The following NCAN variants were observed in gnomAD, a reference collection of about 807,000 sequenced individuals.
NCAN encodes the protein neurocan core protein.
NCAN carries 47 observed loss-of-function variants against 121.8 expected under a neutral mutation model. The observed-to-expected ratio is 0.39, with a 90% CI of 0.31 to 0.49. NCAN has a LOEUF of 0.49. Ranked by LOEUF, NCAN falls within the 20% of genes least tolerant of loss-of-function variation. The pLI is 0.92. For missense variants in NCAN, 1,517 were observed against 1,773.4 expected (o/e 0.86, Z 2.60); for synonymous variants, 633 against 702.0 (o/e 0.90, Z 1.55).
At chr19:19,245,580 C>G in intron 13 of NCAN, 123 bp downstream of exon 13, 5 of 1,143,282 alleles carry the variant, frequency 4.4e-6, no homozygotes, top group Non-Finnish European at 6.1e-6. Context: ...TGGGTTCAAG[C>G]CATCCTCCTG....
chr19:19,242,207 A>G (rs1329549799), intron 12 of NCAN, among the ~76,000 whole-genome samples: 5 of 151,860 alleles, frequency 3.3e-5, no homozygotes, highest in Admixed American at 1.3e-4. Flanking sequence ...AAACAACACA[A>G]ACAAACAAAA....
In NCAN at chr19:19,222,294, GTTT is replaced by G. The variant is rs571842915; in HGVS notation, c.476-1726_476-1724del. Among the ~76,000 whole-genome samples the G allele has an allele frequency of 8.5e-5, 13 of 152,204 alleles. No homozygotes were observed. In the South Asian group the frequency reaches 2.5e-3, roughly 29 times the overall value. ...ATTCAGCCAAACTCTTTTTGTTGTT[GTTT>G]GAGACAGAGTCTCACTCTGTCACCC... On this transcript the variant is annotated intron_variant, in intron 3 of 14. Transcript: ENST00000252575.
chr19:19,238,352 G>A lies in NCAN; in HGVS notation c.3350G>A (p.Arg1117His), dbSNP rs1198462359. The A allele has an allele frequency of 9.9e-6, 16 of 1,613,942 alleles. No individual in the cohort carries two copies. The highest frequency in any genetic ancestry group is 2.7e-5 in the African/African-American group (2 of 74,922). ...RAWEDAEKDC[R>H]RRSGHLTSVH... is the part of the protein sequence containing the mutation. Reference sequence around the variant, plus strand: ...TGGGAAGATGCCGAGAAGGACTGCCGCCGCCGCTCCGGCCACCTGACCAGC... The same window carrying A: ...TGGGAAGATGCCGAGAAGGACTGCCACCGCCGCTCCGGCCACCTGACCAGC... Residue 1117 changes from arginine (R) to histidine (H), a missense_variant, in exon 11 of 15, where the codon CGC becomes CAC. Arg to His is a conservative substitution (Grantham distance 29). Transcript: ENST00000252575.
At chr19:19,249,045 T>TTGTGTGTG (rs112544518) in intron 14 of NCAN, 163 bp downstream of exon 14, 27 of 549,286 alleles carry the variant, frequency 4.9e-5, no homozygotes, top group African/African-American at 7.8e-5. Flanking sequence ...TTTCCTTCAT[T>TTGTGTGTG]TGTGTGTGTG....
intron 13 of NCAN, among the ~76,000 whole-genome samples, chr19:19,247,277 G>A (rs112219496): frequency 0.23 from 35,218 of 151,326 alleles, 5,408 homozygotes; most frequent in African/African-American, 0.44. Context: ...ATTTTGAGAC[G>A]GCGTCTTGCT....
chr19:19,214,769 A>T (rs939056397), intron 1 of NCAN, among the ~76,000 whole-genome samples: 15 of 151,446 alleles, frequency 9.9e-5, no homozygotes, highest in African/African-American at 3.4e-4. Context: ...TGTGTGAGAG[A>T]GAGAGAGAAA....
chr19:19,248,587 T>C, intron 13 of NCAN, 113 bp from the exon 14 acceptor site: 1 of 1,076,660 alleles, frequency 9.3e-7, no homozygotes, highest in Middle Eastern at 3.2e-4. Context: ...AGCGCGCCAC[T>C]GCACTCCAGT....
intron 13 of NCAN, among the ~76,000 whole-genome samples, chr19:19,247,602 G>A (rs1249644072): frequency 6.6e-6 from 1 of 151,850 alleles, no homozygotes; most frequent in Non-Finnish European, 1.5e-5. Flanking sequence ...TGTTGCCCAG[G>A]CTGGTCTCAA....
Position 19,250,493 on chromosome 19 carries a change from G to T in NCAN, c.*582G>T. On this transcript the variant is annotated 3_prime_UTR_variant, in exon 15 of 15. Coordinates refer to ENST00000252575, the MANE Select transcript of NCAN (RefSeq NM_004386.3). ...TAAACACACAGTGTGGAGATCCCAC[G>T]TACTGCATTTTAGGGATGTTTTTAG... 3.6e-6 allele frequency: 1 copy of T among 274,056 alleles called. No homozygotes were observed. Among genetic ancestry groups the T allele is most frequent in the Non-Finnish European group, 7.1e-6 (1 of 140,590 alleles). The allele number at this position is 274,056 out of a possible 1,614,324, so 17.0% of individuals were successfully genotyped here.
chr19:19,234,922 G>A (rs886425910), intron 9 of NCAN, 61 bp from the exon 10 acceptor site: 2 of 1,083,066 alleles, frequency 1.8e-6, no homozygotes, highest in East Asian at 2.4e-5. Context: ...TTAGTTTCCT[G>A]TGGGGGCTCA....
chr19:19,233,467 G>A (rs1198031949), intron 8 of NCAN, among the ~76,000 whole-genome samples: 1 of 152,122 alleles, frequency 6.6e-6, no homozygotes, highest in Non-Finnish European at 1.5e-5. Flanking sequence ...GGACACTGAA[G>A]CCCATGTTCT....
chr19:19,234,860 C>G (rs1568600008), intron 9 of NCAN, 123 bp from the exon 10 acceptor site: 3 of 545,686 alleles, frequency 5.5e-6, no homozygotes, highest in East Asian at 5.7e-5. Context: ...CAAACTGTGA[C>G]TGCTGCACTT....
At position 19,227,434 on chromosome 19, in the gene NCAN, C is replaced by T. The variant is rs977618896; in HGVS notation, c.1814C>T (p.Ser605Phe). The T allele has an allele frequency of 2.5e-6, 4 of 1,613,666 alleles. 1 individual carries two copies. The South Asian group carries it at 4.4e-5, about 18-fold the overall frequency. The change falls in exon 8 of 15, where the codon TCC becomes TTC. Residue 605 changes from serine (S) to phenylalanine (F), a missense_variant. Coordinates refer to ENST00000252575, the MANE Select transcript of NCAN (RefSeq NM_004386.3). This position sits in a 1 kb window ranked among gnomAD's most constrained non-coding sequence, Gnocchi z 4.2. ...CCAGCCACCCCAGACCTGTTTTGGTCCCCCTTGGAGGCCACTGTCTCAGCT... is the reference window on the plus strand; with the variant it reads ...CCAGCCACCCCAGACCTGTTTTGGTTCCCCTTGGAGGCCACTGTCTCAGCT... ...ARPATPDLFW[S>F]PLEATVSAPS...
chr19:19,249,620 GC>G, intron 14 of NCAN, 145 bp from the exon 15 acceptor site: 1 of 1,224,674 alleles, frequency 8.2e-7, no homozygotes, highest in Admixed American at 2.4e-5. Context: ...TCCCACTTTG[GC>G]CTCCCAAAGT....
At chr19:19,242,303 C>T (rs1720746) in intron 12 of NCAN, among the ~76,000 whole-genome samples, 14 of 151,976 alleles carry the variant, frequency 9.2e-5, no homozygotes, top group East Asian at 5.8e-4. Flanking sequence ...GTAGGAGGAT[C>T]GCTGGAGCCC....
At chr19:19,214,767 A>T (rs1285867543) in intron 1 of NCAN, among the ~76,000 whole-genome samples, 2 of 151,010 alleles carry the variant, frequency 1.3e-5, no homozygotes, top group African/African-American at 4.9e-5. Flanking sequence ...TGTGTGTGAG[A>T]GAGAGAGAGA....
intron 8 of NCAN, among the ~76,000 whole-genome samples, chr19:19,229,374 C>T (rs1178475698): frequency 6.6e-6 from 1 of 152,196 alleles, no homozygotes; most frequent in Non-Finnish European, 1.5e-5. Context: ...GAGCAGGACA[C>T]AGACGCCTCC....
In NCAN at chr19:19,218,910, C is replaced by A; in HGVS notation, c.74-5C>A. On this transcript the variant is annotated splice_polypyrimidine_tract_variant and splice_region_variant and intron_variant, in intron 2 of 14. Transcript: ENST00000252575. ...CAGGCCCTCTCTCCACCTTCTCCAA[C>A]CCAGGCACACAGGATATCACCGATG... 6.7e-7 allele frequency: 1 copy of A among 1,484,788 alleles called. No individual in the cohort carries two copies. Among genetic ancestry groups the A allele is most frequent in the Non-Finnish European group, 9.0e-7 (1 of 1,114,524 alleles). The allele number at this position is 1,484,788 out of a possible 1,614,324, so 92.0% of individuals were successfully genotyped here. A position where few individuals can be genotyped will look rare whatever the true frequency, so the allele number is the denominator to read the frequency against.
In NCAN at chr19:19,237,404, G is replaced by A. The variant is rs528204163; in HGVS notation, c.3251-849G>A. On this transcript the variant is annotated intron_variant, in intron 10 of 14. Transcript: ENST00000252575. The stretch of plus-strand genomic sequence containing the variant: ...CTTGGGAGGCTGAGGCAGGAGAATT[G>A]CTTGAACCTGGGAGGTGGTGTCTAC... Among the ~76,000 whole-genome samples the A allele has an allele frequency of 8.8e-4, 133 of 151,446 alleles. 2 individuals are homozygous for A. Among genetic ancestry groups the A allele is most frequent in the African/African-American group, 3.2e-3 (133 of 41,320 alleles).
Sources: gnomAD v4.1 joint callset for allele counts (sites outside exome capture counted in the v4.1 genomes callset) on GRCh38, gnomAD v4.1.1 for gene constraint, Gnocchi (gnomAD v3.1) non-coding constraint, MANE v1.5 for transcripts, NCBI Gene and HGNC (gene_info 2026-07-23, HGNC 2026-07-21) for gene names.